Variants in ANO3 observed in about 807,000 individuals in gnomAD.
The protein encoded by ANO3 is anoctamin 3.
ANO3 carries 99 observed loss-of-function variants against 144.8 expected under a neutral mutation model. The ratio of observed to expected loss-of-function variants is 0.68; its 90% CI spans 0.58 to 0.81. The LOEUF is 0.81. Ranked by LOEUF, ANO3 falls within the 30% of genes least tolerant of loss-of-function variation. The probability of loss-of-function intolerance (pLI) is 0.00; values close to 1 mark genes in which losing one functional copy is unlikely to be tolerated. For synonymous variants in ANO3, 414 were observed against 392.6 expected, an observed-to-expected ratio of 1.05 and a Z score of -0.64; for missense variants, 905 against 1,202.2, an observed-to-expected ratio of 0.75 and a Z score of 3.66.
chr11:26,280,371 G>T lies in ANO3; in HGVS notation c.155-29274G>T, dbSNP rs527523682. On this transcript the variant is annotated intron_variant, in intron 1 of 27. Coordinates refer to the ANO3 transcript ENST00000672621. ...AAAGGGGAGTTTTTTAAGGCATATT[G>T]ACTCACATGATCACAAGGTGAGATC... 3.9e-5 allele frequency among the ~76,000 whole-genome samples: 6 copies of T among 152,188 alleles called. No individual in the cohort carries two copies. The South Asian group carries it at 1.2e-3, about 32-fold the overall frequency.
chr11:26,229,304 T>C (rs529553499), intron 1 of ANO3, among the ~76,000 whole-genome samples: 1 of 152,308 alleles, frequency 6.6e-6, no homozygotes, highest in East Asian at 1.9e-4. Context: ...TCATCAAAAG[T>C]GTATAAAGCT....
chr11:26,573,962 A>T (rs986360095), intron 14 of ANO3, among the ~76,000 whole-genome samples: 3 of 152,208 alleles, frequency 2.0e-5, no homozygotes, highest in African/African-American at 4.8e-5. Context: ...AGCCAAACAA[A>T]CAAGTTTCAC....
At chr11:26,436,938 G>A (rs775889472) in intron 1 of ANO3, among the ~76,000 whole-genome samples, 9 of 152,170 alleles carry the variant, frequency 5.9e-5, no homozygotes, top group South Asian at 2.1e-4. Flanking sequence ...CCAGTATTCC[G>A]GGGGACAGCT....
intron 1 of ANO3, among the ~76,000 whole-genome samples, chr11:26,404,691 A>T (rs1004952063): frequency 2.0e-5 from 3 of 151,598 alleles, no homozygotes; most frequent in African/African-American, 7.3e-5. Context: ...AGTCGAAGGG[A>T]GGGTCACTTA....
chr11:26,476,944 A>T (rs927908535), intron 4 of ANO3, among the ~76,000 whole-genome samples: 4 of 151,378 alleles, frequency 2.6e-5, no homozygotes, highest in African/African-American at 9.7e-5. Context: ...AGAGAGAGAG[A>T]GAGAGAGACT....
At chr11:26,546,283 T>G (rs547056413) in intron 11 of ANO3, among the ~76,000 whole-genome samples, 6 of 151,834 alleles carry the variant, frequency 4.0e-5, no homozygotes, top group South Asian at 2.1e-4. Flanking sequence ...GAGAGAGAGA[T>G]AAATAAAATG....
At position 26,663,127 on chromosome 11, in the gene ANO3, G is replaced by T. The variant is rs1254525248; in HGVS notation, c.*2683G>T. The T allele has an allele frequency of 6.6e-6, 1 of 152,142 alleles. No homozygotes were observed. Among genetic ancestry groups the T allele is most frequent in the Admixed American group, 6.6e-5 (1 of 15,204 alleles). The allele number at this position is 152,142 out of a possible 1,614,324, so 9.4% of individuals were successfully genotyped here. ...GCTGAAATAGTTTGTAATTGTCTGAGTCTGTGCACGTACTTTTAGATAAAA... is the reference window on the plus strand; with the variant it reads ...GCTGAAATAGTTTGTAATTGTCTGATTCTGTGCACGTACTTTTAGATAAAA... On this transcript the variant is annotated 3_prime_UTR_variant, in exon 27 of 27. Coordinates refer to ENST00000256737, the MANE Select transcript of ANO3 (RefSeq NM_031418.4).
intron 14 of ANO3, among the ~76,000 whole-genome samples, chr11:26,580,839 A>T (rs1181650488): frequency 2.0e-5 from 3 of 152,052 alleles, no homozygotes; most frequent in East Asian, 1.9e-4. Flanking sequence ...ATGTTTATTT[A>T]AAAAAAATGG....
intron 1 of ANO3, among the ~76,000 whole-genome samples, chr11:26,409,295 ACTATAT>A (rs1857373560): frequency 1.3e-5 from 2 of 151,886 alleles, no homozygotes; most frequent in Non-Finnish European, 2.9e-5. Context: ...TAGAGCTGAC[ACTATAT>A]CTGGCACATA....
intron 1 of ANO3, among the ~76,000 whole-genome samples, chr11:26,198,519 A>C (rs1191806664): frequency 2.6e-5 from 4 of 152,228 alleles, no homozygotes; most frequent in Non-Finnish European, 5.9e-5. Context: ...AGAAACGGAA[A>C]GAAATTATAA....
chr11:26,405,517 A>C (rs2133979287), intron 1 of ANO3, among the ~76,000 whole-genome samples: 1 of 151,962 alleles, frequency 6.6e-6, no homozygotes, highest in Non-Finnish European at 1.5e-5. Flanking sequence ...ATTAATAGCC[A>C]ATCTGCCATT....
intron 4 of ANO3, among the ~76,000 whole-genome samples, chr11:26,473,733 A>C (rs1859862288): frequency 6.6e-6 from 1 of 151,880 alleles, no homozygotes; most frequent in South Asian, 2.1e-4. Context: ...TAAAATCATA[A>C]AAATGTCACT....
At chr11:26,638,442 A>C (rs1253128321) in intron 20 of ANO3, among the ~76,000 whole-genome samples, 14 of 152,224 alleles carry the variant, frequency 9.2e-5, no homozygotes, top group South Asian at 2.1e-4. Context: ...CACAGGGTAC[A>C]CATCCGGCAA....
At chr11:26,561,085 G>A (rs1850270051) in intron 14 of ANO3, 2 of 1,611,402 alleles carry the variant, frequency 1.2e-6, no homozygotes, top group Non-Finnish European at 1.7e-6. Context: ...GTACGAAGTG[G>A]AGGTATGTCA....
intron 14 of ANO3, among the ~76,000 whole-genome samples, chr11:26,590,036 G>A (rs1281117937): frequency 6.6e-6 from 1 of 152,136 alleles, no homozygotes; most frequent in African/African-American, 2.4e-5. Context: ...CCTTCTCCAA[G>A]GTTAGAAACC....
intron 1 of ANO3, among the ~76,000 whole-genome samples, chr11:26,323,914 G>C (rs1305895357): frequency 6.6e-6 from 1 of 152,112 alleles, no homozygotes; most frequent in Admixed American, 6.5e-5. Context: ...TGATACTCTT[G>C]AAAACCAGTA....
intron 1 of ANO3, among the ~76,000 whole-genome samples, chr11:26,322,473 G>A (rs972157860): frequency 1.3e-5 from 2 of 151,956 alleles, no homozygotes; most frequent in Non-Finnish European, 2.9e-5. Context: ...ACATGCAGTT[G>A]TCATGTCTCT....
intron 1 of ANO3, among the ~76,000 whole-genome samples, chr11:26,399,805 C>T (rs955054795): frequency 1.3e-5 from 2 of 151,914 alleles, no homozygotes; most frequent in African/African-American, 4.8e-5. Context: ...CCTCTTACCA[C>T]GCTAGAAAGT....
intron 1 of ANO3, among the ~76,000 whole-genome samples, chr11:26,283,321 AATATATATATATATATATATAT>A (rs58419788): frequency 1.8e-4 from 9 of 49,136 alleles, no homozygotes; most frequent in Middle Eastern, 0.021. Flanking sequence ...CAAATAAATA[AATATATATATATATATATATAT>A]ATATATATAT....
Sources: allele counts gnomAD v4.1 joint callset (sites outside exome capture counted in the v4.1 genomes callset), GRCh38; gene constraint gnomAD v4.1.1; transcripts MANE v1.5; gene names NCBI Gene and HGNC (gene_info 2026-07-23, HGNC 2026-07-21).